The following SLIT2 variants were observed in gnomAD, a reference collection of about 807,000 sequenced individuals.
SLIT2 encodes slit guidance ligand 2.
A neutral mutation model predicts 185.7 loss-of-function variants in SLIT2; 41 were observed. The ratio of observed to expected loss-of-function variants is 0.22; its 90% CI spans 0.17 to 0.29. SLIT2 has a LOEUF of 0.29. Ranked by LOEUF, SLIT2 falls within the 10% of genes least tolerant of loss-of-function variation. The pLI, the probability that SLIT2 is intolerant of heterozygous loss-of-function variation, is 1.00. For synonymous variants in SLIT2, 693 were observed against 680.2 expected, an observed-to-expected ratio of 1.02 and a Z score of -0.29; for missense variants, 1,571 against 1,909.0, an observed-to-expected ratio of 0.82 and a Z score of 3.30.
At chr4:20,280,113 C>T (rs978884511) in intron 4 of SLIT2, among the ~76,000 whole-genome samples, 11 of 151,874 alleles carry the variant, frequency 7.2e-5, no homozygotes, top group African/African-American at 2.7e-4. Context: ...GTGGGCGGAT[C>T]ACGAGGTCAG....
At chr4:20,563,606 G>A (rs970683722) in intron 26 of SLIT2, among the ~76,000 whole-genome samples, 1 of 151,760 alleles carries the variant, frequency 6.6e-6, no homozygotes, top group African/African-American at 2.4e-5. Flanking sequence ...AATAGTCCCT[G>A]TAGTTTCCCC....
At chr4:20,268,782 A>G in intron 3 of SLIT2, 28 bp from the exon 4 acceptor site, 8 of 1,489,720 alleles carry the variant, frequency 5.4e-6, no homozygotes, top group Non-Finnish European at 7.5e-6. Flanking sequence ...TCTATGTAAC[A>G]TAAGCTTTGT....
At chr4:20,445,544 A>G (rs1711669558) in intron 4 of SLIT2, among the ~76,000 whole-genome samples, 1 of 152,166 alleles carries the variant, frequency 6.6e-6, no homozygotes, top group Non-Finnish European at 1.5e-5. Context: ...AATCAGACTC[A>G]GTTTTTGCTG....
intron 3 of SLIT2, among the ~76,000 whole-genome samples, chr4:20,259,341 A>G (rs1350483131): frequency 6.6e-6 from 1 of 151,798 alleles, no homozygotes; most frequent in African/African-American, 2.4e-5. Flanking sequence ...GAAAGCATCA[A>G]TATAATTCAA....
At chr4:20,509,721 T>G (rs1463852317) in intron 9 of SLIT2, among the ~76,000 whole-genome samples, 3 of 152,222 alleles carry the variant, frequency 2.0e-5, no homozygotes, top group Non-Finnish European at 4.4e-5. Context: ...AAAGACTTCA[T>G]GCAATCTACT....
At chr4:20,346,247 C>T (rs11935965) in intron 4 of SLIT2, among the ~76,000 whole-genome samples, 8,819 of 152,184 alleles carry the variant, frequency 0.058, 474 homozygotes, top group East Asian at 0.19. Flanking sequence ...CCGCCTGCCT[C>T]GTGCTCCCAA....
At chr4:20,509,058 T>C (rs192216198) in intron 9 of SLIT2, among the ~76,000 whole-genome samples, 1 of 151,924 alleles carries the variant, frequency 6.6e-6, no homozygotes, top group African/African-American at 2.4e-5. Flanking sequence ...GTTAAAGTAT[T>C]ACCAACGTTC....
intron 17 of SLIT2, among the ~76,000 whole-genome samples, chr4:20,532,368 C>T (rs663032): frequency 0.069 from 10,380 of 149,426 alleles, 907 homozygotes; most frequent in African/African-American, 0.21. Flanking sequence ...TTGTAACTTC[C>T]TTTACTATTC....
intron 9 of SLIT2, among the ~76,000 whole-genome samples, chr4:20,493,083 C>A (rs1717922232): frequency 6.6e-6 from 1 of 151,966 alleles, no homozygotes; most frequent in Admixed American, 6.6e-5. Context: ...TTTGGCTGAA[C>A]CTTGAAAGAA....
intron 8 of SLIT2, 155 bp downstream of exon 8, chr4:20,489,137 T>C: frequency 2.1e-6 from 1 of 482,810 alleles, no homozygotes; most frequent in Non-Finnish European, 3.5e-6. Flanking sequence ...AGTGAAAATA[T>C]GTTCTGAGAC....
At chr4:20,602,247 T>G (rs2148967295) in intron 33 of SLIT2, among the ~76,000 whole-genome samples, 1 of 152,316 alleles carries the variant, frequency 6.6e-6, no homozygotes, top group Non-Finnish European at 1.5e-5. Flanking sequence ...GAAAAATATG[T>G]GCTTCTTTCT....
intron 4 of SLIT2, among the ~76,000 whole-genome samples, chr4:20,463,545 G>GTA (rs1553906577): frequency 1.1e-4 from 15 of 134,338 alleles, no homozygotes; most frequent in Non-Finnish European, 2.4e-4. Context: ...GTGTGTGTGT[G>GTA]TATATGTATA....
At chr4:20,471,568 C>T (rs1715023130) in intron 5 of SLIT2, among the ~76,000 whole-genome samples, 1 of 152,090 alleles carries the variant, frequency 6.6e-6, no homozygotes, top group Non-Finnish European at 1.5e-5. Flanking sequence ...AGAAGCTGCC[C>T]AGGCCATATT....
intron 4 of SLIT2, among the ~76,000 whole-genome samples, chr4:20,383,783 A>G (rs1008616968): frequency 6.6e-6 from 1 of 152,046 alleles, no homozygotes; most frequent in South Asian, 2.1e-4. Flanking sequence ...GCTCACTGCA[A>G]TCTCCATCTC....
At chr4:20,516,861 G>T (rs1000723338) in intron 11 of SLIT2, among the ~76,000 whole-genome samples, 1 of 151,926 alleles carries the variant, frequency 6.6e-6, no homozygotes, top group African/African-American at 2.4e-5. Context: ...TAGATTTCCT[G>T]TATCCTAGTG....
At chr4:20,323,845 G>A (rs59943579) in intron 4 of SLIT2, among the ~76,000 whole-genome samples, 40,900 of 152,042 alleles carry the variant, frequency 0.27, 5,828 homozygotes, top group East Asian at 0.46. Flanking sequence ...ATCCCCATGT[G>A]CCTTGCACAG....
At chr4:20,552,866 A>T (rs1035502534) in intron 25 of SLIT2, 2 of 152,194 alleles carry the variant, frequency 1.3e-5, no homozygotes, top group South Asian at 4.1e-4. Context: ...TTATAAGGTT[A>T]TGAGTCCAGG....
chr4:20,399,698 T>C (rs1172358028), intron 4 of SLIT2, among the ~76,000 whole-genome samples: 1 of 151,758 alleles, frequency 6.6e-6, no homozygotes, highest in African/African-American at 2.4e-5. Context: ...GTAAGAGTTA[T>C]ATCAAACAAT....
chr4:20,390,275 C>CA (rs202050002), intron 4 of SLIT2, among the ~76,000 whole-genome samples: 13 of 151,730 alleles, frequency 8.6e-5, no homozygotes, highest in East Asian at 3.9e-4. Context: ...AAGTAATATA[C>CA]AAAAAAAATT....
Sources: gnomAD v4.1 joint callset for allele counts (sites outside exome capture counted in the v4.1 genomes callset) on GRCh38, gnomAD v4.1.1 for gene constraint, MANE v1.5 for transcripts, NCBI Gene and HGNC (gene_info 2026-07-23, HGNC 2026-07-21) for gene names.